Variants in NDRG3 observed in about 807,000 individuals in gnomAD.
NDRG3 encodes protein NDRG3.
In NDRG3, 23 loss-of-function variants were observed where a neutral mutation model predicts 57.2. The ratio of observed to expected loss-of-function variants is 0.40; its 90% CI spans 0.29 to 0.57. NDRG3 has a LOEUF of 0.57. NDRG3 is among the 20% of genes least tolerant of loss of function. The pLI is 0.42. For missense variants in NDRG3, 384 were observed against 457.3 expected (o/e 0.84, Z 1.46); for synonymous variants, 132 against 162.6 (o/e 0.81, Z 1.43).
At chr20:36,719,465 G>T (rs960358390) in intron 2 of NDRG3, among the ~76,000 whole-genome samples, 2 of 150,772 alleles carry the variant, frequency 1.3e-5, no homozygotes, top group Non-Finnish European at 2.9e-5. Flanking sequence ...TGCCAAGGGA[G>T]AGAGAAGTCT....
rs1980128790 is a variant in NDRG3 at position 36,671,301 on chromosome 20, G to T, written c.588+40C>A. The T allele has an allele frequency of 6.6e-6, 10 of 1,524,892 alleles. No individual in the cohort carries two copies. In the East Asian group the frequency reaches 2.0e-4, roughly 31 times the overall value. The allele number at this position is 1,524,892 out of a possible 1,614,324, so 94.5% of individuals were successfully genotyped here. A position where few individuals can be genotyped will look rare whatever the true frequency, so the allele number is the denominator to read the frequency against. On this transcript the variant is annotated intron_variant, in intron 9 of 15. Coordinates refer to ENST00000349004, the MANE Select transcript of NDRG3 (RefSeq NM_032013.4). ...AGGTAAAATAAGAATTTGCATGCAA[G>T]CCAATAAACACAGCTCTTCTGGGTG... is the stretch of plus-strand genomic sequence containing the variant.
At chr20:36,656,561 T>C in intron 13 of NDRG3, 29 bp from the exon 14 acceptor site, 1 of 1,613,646 alleles carries the variant, frequency 6.2e-7, no homozygotes, top group Non-Finnish European at 8.5e-7. Context: ...GCAAGTCAGC[T>C]GGGACTTACC....
chr20:36,708,647 CAA>C (rs746647555), intron 2 of NDRG3, among the ~76,000 whole-genome samples: 3 of 62,636 alleles, frequency 4.8e-5, no homozygotes, highest in Non-Finnish European at 9.2e-5. Flanking sequence ...GACTCCGTCT[CAA>C]AAAAAAAAAA....
intron 2 of NDRG3, among the ~76,000 whole-genome samples, chr20:36,711,940 C>T (rs935720318): frequency 2.0e-5 from 3 of 152,110 alleles, no homozygotes; most frequent in South Asian, 2.1e-4. Flanking sequence ...CCACTGCGCC[C>T]GGCTAATTTT....
chr20:36,689,572 AGCTG>A (rs1233770607), intron 3 of NDRG3, among the ~76,000 whole-genome samples: 2 of 152,052 alleles, frequency 1.3e-5, no homozygotes, highest in Non-Finnish European at 2.9e-5. Context: ...CTTTCCTGGG[AGCTG>A]TCCTTCTGTG....
At chr20:36,673,376 C>A (rs1171533012) in intron 8 of NDRG3, among the ~76,000 whole-genome samples, 4 of 151,918 alleles carry the variant, frequency 2.6e-5, no homozygotes, top group Non-Finnish European at 1.5e-5. Flanking sequence ...TACGAAAAAA[C>A]AGAATACAAA....
chr20:36,728,179 G>A (rs941257376), intron 1 of NDRG3, among the ~76,000 whole-genome samples: 1 of 151,296 alleles, frequency 6.6e-6, no homozygotes, highest in Non-Finnish European at 1.5e-5. Flanking sequence ...TCAGCCTCCC[G>A]AGTAGCTGGG....
At chr20:36,657,922 T>C (rs1177097395) in intron 13 of NDRG3, among the ~76,000 whole-genome samples, 1 of 152,178 alleles carries the variant, frequency 6.6e-6, no homozygotes, top group Non-Finnish European at 1.5e-5. Flanking sequence ...GAGAGAATAC[T>C]GGGAGAAACT....
chr20:36,718,897 T>C (rs1043816387), intron 2 of NDRG3, among the ~76,000 whole-genome samples: 4 of 152,070 alleles, frequency 2.6e-5, no homozygotes, highest in Non-Finnish European at 5.9e-5. Flanking sequence ...CCCAGGCTGG[T>C]CTTGAACTTC....
chr20:36,711,431 ATT>A (rs776781046), intron 2 of NDRG3, among the ~76,000 whole-genome samples: 1 of 152,144 alleles, frequency 6.6e-6, no homozygotes, highest in Non-Finnish European at 1.5e-5. Context: ...TTTAGGGATT[ATT>A]TTAAGATTAG....
intron 1 of NDRG3, among the ~76,000 whole-genome samples, chr20:36,745,544 C>G (rs1177520424): frequency 1.3e-5 from 2 of 152,198 alleles, no homozygotes; most frequent in Non-Finnish European, 2.9e-5. Context: ...GGCTAAGAAG[C>G]CTCTCCCCGG....
At chr20:36,656,644 A>G in intron 13 of NDRG3, 112 bp from the exon 14 acceptor site, 1 of 1,193,422 alleles carries the variant, frequency 8.4e-7, no homozygotes, top group South Asian at 1.3e-5. Flanking sequence ...TTTAATGTTT[A>G]ACTGCAAGTT....
rs1271642657 is a variant in NDRG3, at chr20:36,712,586, TA to T, written c.58-5580del. Among the ~76,000 whole-genome samples the T allele has an allele frequency of 5.1e-3, 228 of 45,028 alleles. 1 individual carries two copies. Among genetic ancestry groups the T allele is most frequent in the African/African-American group, 6.7e-3 (64 of 9,584 alleles). The allele number at this position is 45,028 out of a possible 152,430, so 29.5% of individuals were successfully genotyped here. ...ATATATATATATATATATATATATA[TA>T]TTTTTTTTTTTTTTTTTTTTTTTTT... On this transcript the variant is annotated intron_variant, in intron 2 of 15. Coordinates refer to ENST00000349004, the MANE Select transcript of NDRG3 (RefSeq NM_032013.4).
chr20:36,669,592 C>T (rs146305527), intron 9 of NDRG3, among the ~76,000 whole-genome samples: 1 of 151,856 alleles, frequency 6.6e-6, no homozygotes, highest in Non-Finnish European at 1.5e-5. Context: ...CTCGAACTCC[C>T]AACCTTAGGT....
chr20:36,654,680 G>A, intron 15 of NDRG3: 1 of 705,626 alleles, frequency 1.4e-6, no homozygotes, highest in Non-Finnish European at 2.7e-6. Flanking sequence ...ATCTCTTGGG[G>A]CGTACTGAGC....
chr20:36,738,529 G>A (rs1241970912), intron 1 of NDRG3, among the ~76,000 whole-genome samples: 1 of 151,480 alleles, frequency 6.6e-6, no homozygotes, highest in Non-Finnish European at 1.5e-5. Context: ...ACCTTCAAAA[G>A]TTAAAAAATG....
chr20:36,671,426 A>G, intron 8 of NDRG3, 29 bp from the exon 9 acceptor site: 2 of 1,565,356 alleles, frequency 1.3e-6, no homozygotes, highest in Non-Finnish European at 1.8e-6. Flanking sequence ...TGTGTTAAGA[A>G]TGTAAGCATA....
intron 3 of NDRG3, among the ~76,000 whole-genome samples, chr20:36,690,985 G>A (rs1023816642): frequency 4.6e-5 from 7 of 152,370 alleles, no homozygotes; most frequent in African/African-American, 1.2e-4. Context: ...TATTCTAGTC[G>A]TGCTCAAGTT....
chr20:36,733,494 G>GC (rs1985445802), intron 1 of NDRG3, among the ~76,000 whole-genome samples: 1 of 151,954 alleles, frequency 6.6e-6, no homozygotes. Context: ...GGAGGCCAAG[G>GC]CGGGCGGATC....
Sources: allele counts gnomAD v4.1 joint callset (sites outside exome capture counted in the v4.1 genomes callset), GRCh38; gene constraint gnomAD v4.1.1; transcripts MANE v1.5; gene names NCBI Gene and HGNC (gene_info 2026-07-23, HGNC 2026-07-21).